The following PITPNM2 variants were observed in gnomAD, a reference collection of about 807,000 sequenced individuals.
The protein encoded by PITPNM2 is membrane-associated phosphatidylinositol transfer protein 2.
PITPNM2 carries 35 observed loss-of-function variants against 132.2 expected under a neutral mutation model. The observed-to-expected ratio is 0.26, with a 90% CI of 0.20 to 0.35. PITPNM2 has a LOEUF of 0.35. PITPNM2 is among the 10% of genes least tolerant of loss of function. The pLI is 1.00. For synonymous variants in PITPNM2, 738 were observed against 799.2 expected (o/e 0.92, Z 1.29); for missense variants, 1,332 against 1,912.0 (o/e 0.70, Z 5.66).
chr12:123,038,262 C>T (rs954840508), intron 2 of PITPNM2, among the ~76,000 whole-genome samples: 1 of 152,186 alleles, frequency 6.6e-6, no homozygotes, highest in African/African-American at 2.4e-5. Context: ...ATAAATCGTT[C>T]TATATCTTAC....
At chr12:123,116,591 G>C (rs1207165463) in intron 1 of PITPNM2, among the ~76,000 whole-genome samples, 1 of 147,690 alleles carries the variant, frequency 6.8e-6, no homozygotes, top group Non-Finnish European at 1.5e-5. Flanking sequence ...TGAGGCTGCA[G>C]TAAGCCATGA....
At position 123,117,483 on chromosome 12, in the gene PITPNM2, C is replaced by T. The variant is rs750590905; in HGVS notation, c.-199-6995G>A. On this transcript the variant is annotated intron_variant, in intron 1 of 25. Transcript: ENST00000320201. This position sits in a 1 kb window ranked among gnomAD's most constrained non-coding sequence, Gnocchi z 4.7. ...GCTGCTGACTCTGGGTAAGTCAGCT[C>T]GGCTCACTGGGCCTCTGTTTCCCCA... Among the ~76,000 whole-genome samples, 2 of 152,120 alleles carry T rather than the reference C, an allele frequency of 1.3e-5. No homozygotes were observed. Among genetic ancestry groups the T allele is most frequent in the Non-Finnish European group, 2.9e-5 (2 of 68,024 alleles).
chr12:123,086,595 CTGAT>C (rs1566285970), intron 2 of PITPNM2, among the ~76,000 whole-genome samples: 1 of 152,158 alleles, frequency 6.6e-6, no homozygotes, highest in African/African-American at 2.4e-5. Flanking sequence ...TGTGAATTAA[CTGAT>C]TGAATCTTTT....
intron 6 of PITPNM2, among the ~76,000 whole-genome samples, chr12:123,007,877 T>C (rs886328727): frequency 2.0e-5 from 3 of 152,084 alleles, no homozygotes; most frequent in African/African-American, 7.2e-5. Flanking sequence ...AGGAGTTGCC[T>C]CCTCAAGGCC....
At position 123,084,960 on chromosome 12, in the gene PITPNM2, C is replaced by T. The variant is rs2042070949; in HGVS notation, c.-96+25425G>A. ...CCCCCTCCCCCATCAAGGGTCAGCT[C>T]TGAGCTGACTCTGGGAAGCCAGCTT... On this transcript the variant is annotated intron_variant, in intron 2 of 25. Transcript: ENST00000320201. Among the ~76,000 whole-genome samples, 4 of 152,332 alleles carry T rather than the reference C, an allele frequency of 2.6e-5. No individual in the cohort carries two copies. The East Asian group carries it at 7.7e-4, about 29-fold the overall frequency.
intron 16 of PITPNM2, chr12:122,991,967 GAC>G: frequency 1.6e-6 from 2 of 1,266,112 alleles, no homozygotes; most frequent in South Asian, 3.3e-5. Context: ...GACACGCTCT[GAC>G]ACAGAGACTC....
chr12:123,111,613 G>A lies in PITPNM2; in HGVS notation c.-199-1125C>T, dbSNP rs1245636614. ...GGAGGTGTGGCTGCAGGGAGCGGGC[G>A]GCTCTTCCAACCCCGCCACCGCCAC... On this transcript the variant is annotated intron_variant, in intron 1 of 25. Coordinates refer to ENST00000320201, the MANE Select transcript of PITPNM2 (RefSeq NM_020845.3). This position sits in a 1 kb window ranked among gnomAD's most constrained non-coding sequence, Gnocchi z 4.1. Among the ~76,000 whole-genome samples, 2 of 152,172 alleles carry A rather than the reference G, an allele frequency of 1.3e-5. No homozygotes were observed. Among genetic ancestry groups the A allele is most frequent in the Admixed American group, 6.5e-5 (1 of 15,280 alleles).
chr12:122,989,685 CCT>C (rs1020998603), intron 18 of PITPNM2, 100 bp downstream of exon 18: 108 of 1,159,904 alleles, frequency 9.3e-5, no homozygotes, highest in Non-Finnish European at 1.2e-4. Flanking sequence ...CCCCCAGCTC[CCT>C]GTTAGGCCGA....
At chr12:123,021,716 AG>A (rs2039677986) in intron 3 of PITPNM2, 1 of 984,836 alleles carries the variant, frequency 1.0e-6, no homozygotes, top group Admixed American at 6.1e-5. Flanking sequence ...GCTCCCTCTC[AG>A]GGAGGTGGCA....
At chr12:123,025,004 C>T (rs947643910) in intron 3 of PITPNM2, among the ~76,000 whole-genome samples, 1 of 152,186 alleles carries the variant, frequency 6.6e-6, no homozygotes, top group East Asian at 1.9e-4. Flanking sequence ...GAAGGGGCCT[C>T]GCTGGCACTG....
At chr12:123,068,494 TAAATAAAA>T (rs1352203317) in intron 2 of PITPNM2, among the ~76,000 whole-genome samples, 100 of 130,180 alleles carry the variant, frequency 7.7e-4, no homozygotes, top group African/African-American at 3.2e-3. Context: ...AATAAATAAA[TAAATAAAA>T]ATAATCCTTG....
chr12:122,985,866 G>C lies in PITPNM2; in HGVS notation c.*161C>G, dbSNP rs2037908687. The C allele has an allele frequency of 1.6e-6, 1 of 642,056 alleles. No homozygotes were observed. Among genetic ancestry groups the C allele is most frequent in the Non-Finnish European group, 2.3e-6 (1 of 431,222 alleles). 39.8% of individuals were successfully genotyped at this position (642,056 alleles called of 1,614,324 possible). Reference sequence around the variant, plus strand: ...GGACCCGTCAGGCCCGAGGACGTGAGGCAGGGCAGGGAGCACTGTGTGGTG... The same window carrying C: ...GGACCCGTCAGGCCCGAGGACGTGACGCAGGGCAGGGAGCACTGTGTGGTG... On this transcript the variant is annotated 3_prime_UTR_variant, in exon 26 of 26. Coordinates refer to ENST00000320201, the MANE Select transcript of PITPNM2 (RefSeq NM_020845.3).
chr12:123,098,577 G>A (rs191841046), intron 2 of PITPNM2, among the ~76,000 whole-genome samples: 1 of 152,224 alleles, frequency 6.6e-6, no homozygotes, highest in East Asian at 1.9e-4. Context: ...CAGGCATGGT[G>A]GCCTGCATCT....
chr12:123,020,890 C>T (rs1348186420), intron 3 of PITPNM2, among the ~76,000 whole-genome samples: 1 of 151,732 alleles, frequency 6.6e-6, no homozygotes, highest in Non-Finnish European at 1.5e-5. Context: ...AATAGCCAGG[C>T]GTGGTGGTGG....
In PITPNM2 at chr12:122,992,039, G is replaced by A. The variant is rs7135296; in HGVS notation, c.2404+460C>T. The A allele has an allele frequency of 0.66, 502,288 of 764,748 alleles. 173,478 individuals carry two copies. Among genetic ancestry groups the A allele is most frequent in the Non-Finnish European group, 0.71 (395,133 of 558,660 alleles). 47.4% of individuals were successfully genotyped at this position (764,748 alleles called of 1,614,324 possible). ...TGGGACACACGCTGGGGCAGGGGTC[G>A]GGCCAAGCCTACCTGGACCTCCCCT... is the stretch of plus-strand genomic sequence containing the variant. On this transcript the variant is annotated intron_variant, in intron 16 of 25. Coordinates refer to ENST00000320201, the MANE Select transcript of PITPNM2 (RefSeq NM_020845.3). This position sits in a 1 kb window ranked among gnomAD's most constrained non-coding sequence, Gnocchi z 6.5.
Position 122,996,708 on chromosome 12 carries a change from C to T in PITPNM2, c.1662+13G>A. On this transcript the variant is annotated intron_variant, in intron 12 of 25. Transcript: ENST00000320201. ...TCCATCCTCCTCCCCTCCCCAACTTCCCCGGGACTCACCTGCCCATTGAAG... is the reference window on the plus strand; with the variant it reads ...TCCATCCTCCTCCCCTCCCCAACTTTCCCGGGACTCACCTGCCCATTGAAG... 1.2e-6 allele frequency: 2 copies of T among 1,611,050 alleles called. No individual in the cohort carries two copies. The highest frequency in any genetic ancestry group is 1.7e-6 in the Non-Finnish European group (2 of 1,179,154).
intron 1 of PITPNM2, among the ~76,000 whole-genome samples, chr12:123,113,652 G>A (rs2042883222): frequency 6.6e-6 from 1 of 152,124 alleles, no homozygotes; most frequent in Non-Finnish European, 1.5e-5. Context: ...AGTGAACTGT[G>A]ATCACACCAC....
Position 122,987,771 on chromosome 12 carries a change from C to A in PITPNM2, c.3114+14G>T, listed in dbSNP as rs778236339. ...AAAGTCCCTCCATGTTACCCCTACC[C>A]GCCGTGTCCTTACCTTCTCCCCAGT... On this transcript the variant is annotated intron_variant, in intron 21 of 25. Transcript: ENST00000320201. 2 of 1,613,796 alleles carry A rather than the reference C, an allele frequency of 1.2e-6. No individual in the cohort carries two copies. The highest frequency in any genetic ancestry group is 2.2e-5 in the South Asian group (2 of 91,084).
chr12:123,052,117 C>T (rs1592975418), intron 2 of PITPNM2, among the ~76,000 whole-genome samples: 4 of 145,654 alleles, frequency 2.7e-5, no homozygotes, highest in Non-Finnish European at 1.5e-5. Flanking sequence ...AGTAGAGACC[C>T]GGTTTCACCA....
Sources: allele counts gnomAD v4.1 joint callset (sites outside exome capture counted in the v4.1 genomes callset), GRCh38; gene constraint gnomAD v4.1.1; non-coding constraint Gnocchi (gnomAD v3.1); transcripts MANE v1.5; gene names NCBI Gene and HGNC (gene_info 2026-07-23, HGNC 2026-07-21).